Variants in TMEM132D observed in about 807,000 individuals in gnomAD.
TMEM132D encodes transmembrane protein 132D.
In TMEM132D, 21 loss-of-function variants were observed where a neutral mutation model predicts 62.3. The observed-to-expected ratio is 0.34, with a 90% CI of 0.24 to 0.49. The LOEUF is 0.49. Ranked by LOEUF, TMEM132D falls within the 20% of genes least tolerant of loss-of-function variation. TMEM132D has a pLI of 0.99. For missense variants in TMEM132D, 1,346 were observed against 1,402.8 expected (o/e 0.96, Z 0.65); for synonymous variants, 621 against 575.6 (o/e 1.08, Z -1.13).
At chr12:129,560,201 T>G (rs1026316904) in intron 2 of TMEM132D, among the ~76,000 whole-genome samples, 3 of 152,172 alleles carry the variant, frequency 2.0e-5, no homozygotes, top group African/African-American at 7.2e-5. Context: ...TGAAAACACT[T>G]AACATTCAAC....
intron 5 of TMEM132D, chr12:129,085,102 G>A (rs1196191892): frequency 3.7e-6 from 1 of 273,724 alleles, no homozygotes; most frequent in Non-Finnish European, 6.8e-6. Flanking sequence ...ACTACCTGGT[G>A]GGGTGAGAAG....
chr12:129,577,112 G>A (rs1877685151), intron 2 of TMEM132D, among the ~76,000 whole-genome samples: 2 of 151,812 alleles, frequency 1.3e-5, no homozygotes, highest in African/African-American at 4.9e-5. Context: ...AAGGTTTACA[G>A]TATTGCACTA....
At chr12:129,663,366 G>A (rs755862682) in intron 2 of TMEM132D, among the ~76,000 whole-genome samples, 1 of 152,152 alleles carries the variant, frequency 6.6e-6, no homozygotes, top group Admixed American at 6.5e-5. Context: ...TTGAACTCCC[G>A]ACCTCAGGTG....
chr12:129,818,327 CTA>C (rs1464726947), intron 1 of TMEM132D, among the ~76,000 whole-genome samples: 3 of 126,112 alleles, frequency 2.4e-5, no homozygotes, highest in Non-Finnish European at 4.9e-5. Context: ...GTCTGTGTAT[CTA>C]TGTGTATCTG....
intron 3 of TMEM132D, among the ~76,000 whole-genome samples, chr12:129,442,053 C>T (rs986782860): frequency 1.4e-4 from 21 of 152,172 alleles, no homozygotes. Context: ...TCCTGGGTGA[C>T]AGATTCAATT....
chr12:129,886,865 A>G (rs1874763132), intron 1 of TMEM132D, among the ~76,000 whole-genome samples: 1 of 152,150 alleles, frequency 6.6e-6, no homozygotes, highest in South Asian at 2.1e-4. Flanking sequence ...TGATGGTTTT[A>G]TAGAGGCTTT....
At position 129,081,957 on chromosome 12, in the gene TMEM132D, G is replaced by A. The variant is rs764784489; in HGVS notation, c.1725C>T (p.Ala575=). 1.2e-6 allele frequency: 2 copies of A among 1,614,060 alleles called. No individual in the cohort carries two copies. Among genetic ancestry groups the A allele is most frequent in the Admixed American group, 1.7e-5 (1 of 60,032 alleles). The change falls in exon 7 of 9, where the codon GCC becomes GCT. Residue 575 remains alanine, a synonymous_variant. Transcript: ENST00000422113. ...CAAACTGCGTCAGGACCCGCACCAT[G>A]GCGTGCTGGTACTGCAGGGTGCAGC... ...GRGCTLQYQH[A]MVRVLTQFVA... is the part of the protein sequence containing the mutation.
At chr12:129,149,253 G>A (rs1877003915) in intron 5 of TMEM132D, among the ~76,000 whole-genome samples, 1 of 152,070 alleles carries the variant, frequency 6.6e-6, no homozygotes, top group African/African-American at 2.4e-5. Flanking sequence ...GGGAGGGAGA[G>A]CACAAGAACA....
intron 1 of TMEM132D, among the ~76,000 whole-genome samples, chr12:129,841,968 TC>T (rs1873207072): frequency 6.7e-6 from 1 of 150,210 alleles, no homozygotes; most frequent in African/African-American, 2.4e-5. Flanking sequence ...TCTCGGTCTG[TC>T]CCCCAGGCTG....
intron 5 of TMEM132D, among the ~76,000 whole-genome samples, chr12:129,153,036 C>T (rs1223856718): frequency 6.6e-6 from 1 of 152,178 alleles, no homozygotes; most frequent in Non-Finnish European, 1.5e-5. Context: ...GTCTTTGCAG[C>T]CTGGGCAGTC....
chr12:129,447,024 G>C (rs1337195715), intron 3 of TMEM132D, among the ~76,000 whole-genome samples: 1 of 152,162 alleles, frequency 6.6e-6, no homozygotes, highest in African/African-American at 2.4e-5. Flanking sequence ...CTGCAGTGTA[G>C]AGAATCCTGC....
At chr12:129,726,879 T>A (rs36028546) in intron 1 of TMEM132D, among the ~76,000 whole-genome samples, 21,863 of 152,146 alleles carry the variant, frequency 0.14, 1,735 homozygotes, top group South Asian at 0.25. Context: ...GAATAGCAGC[T>A]TCCCTGTCTA....
At chr12:129,876,284 A>G (rs946992142) in intron 1 of TMEM132D, among the ~76,000 whole-genome samples, 2 of 152,184 alleles carry the variant, frequency 1.3e-5, no homozygotes, top group Non-Finnish European at 2.9e-5. Flanking sequence ...ACCAAATCCT[A>G]TCATTGGGAA....
intron 4 of TMEM132D, among the ~76,000 whole-genome samples, chr12:129,319,366 C>A (rs1333399542): frequency 6.6e-6 from 1 of 152,184 alleles, no homozygotes; most frequent in Admixed American, 6.5e-5. Flanking sequence ...CACAAACAGA[C>A]CTTCAGCTTC....
chr12:129,676,048 C>T (rs1038177113), intron 2 of TMEM132D, among the ~76,000 whole-genome samples: 2 of 152,142 alleles, frequency 1.3e-5, no homozygotes, highest in African/African-American at 4.8e-5. Flanking sequence ...GTGCTATGTG[C>T]CCAGCACTAC....
intron 5 of TMEM132D, among the ~76,000 whole-genome samples, chr12:129,094,864 G>A (rs961687087): frequency 1.3e-5 from 2 of 152,136 alleles, no homozygotes; most frequent in Non-Finnish European, 2.9e-5. Context: ...AAAAAAGGAT[G>A]AGTTCATGTC....
At chr12:129,777,401 T>A (rs1204007362) in intron 1 of TMEM132D, among the ~76,000 whole-genome samples, 1 of 152,210 alleles carries the variant, frequency 6.6e-6, no homozygotes, top group Non-Finnish European at 1.5e-5. Flanking sequence ...AAGAACAGAA[T>A]CCACTTGCGA....
chr12:129,322,362 T>A (rs1868746658), intron 4 of TMEM132D, among the ~76,000 whole-genome samples: 1 of 152,300 alleles, frequency 6.6e-6, no homozygotes, highest in African/African-American at 2.4e-5. Flanking sequence ...CCACCAGCCT[T>A]AATTTTCTCA....
At chr12:129,675,559 C>T (rs547787440) in intron 2 of TMEM132D, among the ~76,000 whole-genome samples, 129 of 152,214 alleles carry the variant, frequency 8.5e-4, no homozygotes, top group Admixed American at 2.3e-3. Flanking sequence ...ATAAAATTAT[C>T]GTGTATGTTA....
Sources: gnomAD v4.1 joint callset for allele counts (sites outside exome capture counted in the v4.1 genomes callset) on GRCh38, gnomAD v4.1.1 for gene constraint, MANE v1.5 for transcripts, NCBI Gene and HGNC (gene_info 2026-07-23, HGNC 2026-07-21) for gene names.